Variants in PCSK1 observed in about 807,000 individuals in gnomAD.
The protein encoded by PCSK1 is proprotein convertase subtilisin/kexin type 1.
Under a neutral mutation model 90.6 loss-of-function variants are expected in PCSK1, and 56 were observed. The observed-to-expected ratio is 0.62, with a 90% confidence interval of 0.50 to 0.77. The LOEUF (loss-of-function observed/expected upper bound fraction) is 0.77, where lower values mean the gene tolerates loss of function less well. PCSK1 is among the 30% of genes least tolerant of loss of function. The pLI, the probability that PCSK1 is intolerant of heterozygous loss-of-function variation, is 0.00. For missense variants in PCSK1, 801 were observed against 932.6 expected, an observed-to-expected ratio of 0.86 and a Z score of 1.84; for synonymous variants, 348 against 342.4, an observed-to-expected ratio of 1.02 and a Z score of -0.18.
intron 6 of PCSK1, among the ~76,000 whole-genome samples, chr5:96,414,320 C>T (rs918012554): frequency 2.6e-5 from 4 of 152,126 alleles, no homozygotes; most frequent in African/African-American, 9.7e-5. Context: ...ATAAACTCAT[C>T]TAAACCTTAC....
Position 96,433,144 on chromosome 5 carries a change from G to C in PCSK1, c.-102C>G. 3 of 1,082,800 alleles carry C rather than the reference G, an allele frequency of 2.8e-6. No homozygotes were observed. Among genetic ancestry groups the C allele is most frequent in the Non-Finnish European group, 4.2e-6 (3 of 706,914 alleles). The allele number at this position is 1,082,800 out of a possible 1,614,324, so 67.1% of individuals were successfully genotyped here. A position where few individuals can be genotyped will look rare whatever the true frequency, so the allele number is the denominator to read the frequency against. On this transcript the variant is annotated 5_prime_UTR_variant, in exon 1 of 14. Coordinates refer to ENST00000311106, the MANE Select transcript of PCSK1 (RefSeq NM_000439.5). ...TCCCCCTTCCCACCCTCGGGCTCTA[G>C]ACCACTCCTGGCTCCTGGTTGCTCT...
At chr5:96,398,271 T>A (rs1580745485) in intron 11 of PCSK1, among the ~76,000 whole-genome samples, 1 of 152,202 alleles carries the variant, frequency 6.6e-6, no homozygotes, top group Admixed American at 6.5e-5. Context: ...CCAAATTTAG[T>A]CAGTTGAGTC....
In PCSK1 at chr5:96,423,342, A is replaced by G. The variant is rs779336465; in HGVS notation, c.514T>C (p.Trp172Arg). 6.2e-7 allele frequency: 1 copy of G among 1,612,528 alleles called. No homozygotes were observed. The highest frequency in any genetic ancestry group is 1.7e-5 in the Admixed American group (1 of 59,836). ...VITVLDDGLE[W>R]NHTDIYANYD... ...TTGGCATAAATGTCCGTGTGATTCC[A>G]CTCCAAACCATCATCCAGTACGGTG... The change falls in exon 4 of 14, where the codon TGG (tryptophan) becomes CGG (arginine). Residue 172 changes from tryptophan to arginine, a missense_variant. Transcript: ENST00000311106.
intron 12 of PCSK1, among the ~76,000 whole-genome samples, chr5:96,396,561 C>CAA (rs368951852): frequency 0.38 from 46,663 of 121,910 alleles, 8,143 homozygotes; most frequent in African/African-American, 0.46. Context: ...GACTCCGTCT[C>CAA]AAAAAAAAAA....
At chr5:96,412,605 G>T (rs1419079455) in intron 6 of PCSK1, 115 bp from the exon 7 acceptor site, 1 of 946,528 alleles carries the variant, frequency 1.1e-6, no homozygotes, top group East Asian at 2.6e-5. Context: ...CAAAAACCAG[G>T]TAACTACTAG....
chr5:96,428,906 C>T (rs943062221), intron 2 of PCSK1, among the ~76,000 whole-genome samples: 2 of 152,068 alleles, frequency 1.3e-5, no homozygotes, highest in African/African-American at 2.4e-5. Flanking sequence ...TAAATATTCA[C>T]TTTCATGCTC....
chr5:96,425,587 A>C (rs1452579930), intron 3 of PCSK1, among the ~76,000 whole-genome samples: 1 of 152,234 alleles, frequency 6.6e-6, no homozygotes, highest in Non-Finnish European at 1.5e-5. Context: ...AAGAAGACAA[A>C]AAATACAACC....
chr5:96,424,678 A>G (rs536407395), intron 3 of PCSK1, among the ~76,000 whole-genome samples: 5 of 152,206 alleles, frequency 3.3e-5, no homozygotes, highest in Admixed American at 6.5e-5. Flanking sequence ...GATAGTGGCA[A>G]GAGGCCCGGT....
At chr5:96,424,979 TAGAA>T (rs902326612) in intron 3 of PCSK1, among the ~76,000 whole-genome samples, 53 of 65,762 alleles carry the variant, frequency 8.1e-4, no homozygotes, top group East Asian at 1.6e-3. Flanking sequence ...AAAAGAAAGA[TAGAA>T]AGAAAGAAAG....
rs34161803 is a variant in PCSK1 at position 96,420,787 on chromosome 5, A to AAGAGAG, written c.620+1087_620+1092dup. Among the ~76,000 whole-genome samples, 415 of 143,430 alleles carry AAGAGAG rather than the reference A, an allele frequency of 2.9e-3. 3 individuals are homozygous for AAGAGAG. The highest frequency in any genetic ancestry group is 9.0e-3 in the African/African-American group (352 of 39,110). 94.1% of individuals were successfully genotyped at this position (143,430 alleles called of 152,430 possible). On this transcript the variant is annotated intron_variant, in intron 5 of 13. Transcript: ENST00000311106. ...AGGAAGAGAGGGAGAGAGAGAGAGAAAGAGAGAGAGAGAGAGAGAGAGACA... is the reference window on the plus strand; with the variant it reads ...AGGAAGAGAGGGAGAGAGAGAGAGAAAGAGAGAGAGAGAGAGAGAGAGAGAGAGACA...
chr5:96,409,314 C>G (rs1760676923), intron 8 of PCSK1, among the ~76,000 whole-genome samples: 1 of 152,130 alleles, frequency 6.6e-6, no homozygotes, highest in Non-Finnish European at 1.5e-5. Context: ...CTATTATCAC[C>G]TCCATTGGCT....
rs145592525 is a variant in PCSK1, at chr5:96,423,315, A to G, written c.541T>C (p.Tyr181His). The stretch of plus-strand genomic sequence containing the variant: ...GTCATGAGAAGGCACACACTTACAT[A>G]GTTGGCATAAATGTCCGTGTGATTC... The part of the protein sequence containing the change: ...EWNHTDIYAN[Y>H]DPEASYDFND... Residue 181 changes from tyrosine to histidine, a missense_variant and splice_region_variant, in exon 4 of 14, where the codon TAT (tyrosine) becomes CAT (histidine). Tyr to His is a moderately conservative substitution (Grantham distance 83, BLOSUM62 2). Coordinates refer to ENST00000311106, the MANE Select transcript of PCSK1 (RefSeq NM_000439.5). 391 of 1,607,970 alleles carry G rather than the reference A, an allele frequency of 2.4e-4. No homozygotes were observed. Among genetic ancestry groups the G allele is most frequent in the Non-Finnish European group, 3.2e-4 (380 of 1,176,734 alleles).
intron 8 of PCSK1, among the ~76,000 whole-genome samples, chr5:96,410,140 A>G (rs1436472830): frequency 6.6e-6 from 1 of 152,044 alleles, no homozygotes; most frequent in East Asian, 1.9e-4. Flanking sequence ...CTCCATCGTC[A>G]TGCCCTTGAA....
chr5:96,400,338 T>A (rs1760312493), intron 9 of PCSK1, 152 bp from the exon 10 acceptor site: 11 of 668,596 alleles, frequency 1.6e-5, no homozygotes, highest in Non-Finnish European at 3.0e-5. Flanking sequence ...TGTTCATATA[T>A]CTTTTCATTC....
Position 96,390,857 on chromosome 5 carries a change from T to TA in PCSK1, c.*2143_*2144insT, listed in dbSNP as rs1441107558. The TA allele has an allele frequency of 2.0e-5, 3 of 152,650 alleles. No individual in the cohort carries two copies. Among genetic ancestry groups the TA allele is most frequent in the African/African-American group, 7.2e-5 (3 of 41,458 alleles). The allele number at this position is 152,650 out of a possible 1,614,324, so 9.5% of individuals were successfully genotyped here. ...GTTGGAAACATTCAATATGATTTTA[T>TA]TTAAATATTAAAGCTTCTTGAGAGT... is the stretch of plus-strand genomic sequence containing the variant. On this transcript the variant is annotated 3_prime_UTR_variant, in exon 14 of 14. Coordinates refer to ENST00000311106, the MANE Select transcript of PCSK1 (RefSeq NM_000439.5).
chr5:96,399,615 A>T (rs1760282175), intron 10 of PCSK1, among the ~76,000 whole-genome samples: 1 of 152,228 alleles, frequency 6.6e-6, no homozygotes. Flanking sequence ...ATCAACCCTA[A>T]GATGCATTTT....
chr5:96,428,980 A>G lies in PCSK1; in HGVS notation c.285+233T>C, dbSNP rs147524956. Among the ~76,000 whole-genome samples the G allele has an allele frequency of 6.4e-3, 979 of 152,296 alleles. 9 individuals carry two copies. The highest frequency in any genetic ancestry group is 0.023 in the African/African-American group (939 of 41,570). On this transcript the variant is annotated intron_variant, in intron 2 of 13. Coordinates refer to ENST00000311106, the MANE Select transcript of PCSK1 (RefSeq NM_000439.5). ...TAGATATATATGTAATTATATAATT[A>G]AACTGCGTATATATGTGTAAAATTA...
chr5:96,428,430 A>G (rs1453861827), intron 2 of PCSK1, among the ~76,000 whole-genome samples: 2 of 152,214 alleles, frequency 1.3e-5, no homozygotes, highest in Non-Finnish European at 2.9e-5. Flanking sequence ...GCAACACTGT[A>G]TGAAAATTAC....
intron 1 of PCSK1, among the ~76,000 whole-genome samples, chr5:96,432,545 T>C (rs1761539877): frequency 1.3e-5 from 2 of 152,164 alleles, no homozygotes; most frequent in African/African-American, 4.8e-5. Flanking sequence ...TATCTCAAGT[T>C]CCCTGAACAA....
Sources: allele counts gnomAD v4.1 joint callset (sites outside exome capture counted in the v4.1 genomes callset), GRCh38; gene constraint gnomAD v4.1.1; transcripts MANE v1.5; gene names NCBI Gene and HGNC (gene_info 2026-07-23, HGNC 2026-07-21).